DNAH14: variants seen among roughly 807,000 people sequenced by gnomAD.
The protein encoded by DNAH14 is dynein axonemal heavy chain 14, also known as axonemal beta dynein heavy chain 14.
DNAH14 carries 478 observed loss-of-function variants against 520.9 expected under a neutral mutation model. The observed-to-expected ratio is 0.92, with a 90% CI of 0.85 to 0.99. The LOEUF (loss-of-function observed/expected upper bound fraction) is 0.99. Among genes scored for constraint, DNAH14 ranks in the 50% least tolerant of loss-of-function variants. DNAH14 has a pLI of 0.00. For missense variants in DNAH14, 4,831 were observed against 5,234.5 expected, an observed-to-expected ratio of 0.92 and a Z score of 2.38; for synonymous variants, 1,581 against 1,757.2, an observed-to-expected ratio of 0.90 and a Z score of 2.51.
chr1:225,109,624 C>T (rs2076337347), intron 23 of DNAH14, among the ~76,000 whole-genome samples: 1 of 151,814 alleles, frequency 6.6e-6, no homozygotes, highest in African/African-American at 2.4e-5. Flanking sequence ...TAGGTTTTCC[C>T]CTATATAAGA....
Position 225,085,744 on chromosome 1 carries a change from C to A in DNAH14, c.3528C>A (p.Val1176=). The A allele has an allele frequency of 6.4e-7, 1 of 1,551,184 alleles. No homozygotes were observed. Among genetic ancestry groups the A allele is most frequent in the South Asian group, 1.2e-5 (1 of 83,806 alleles). The change falls in exon 21 of 86, where the codon GTC becomes GTA. Residue 1176 remains valine, a synonymous_variant. Transcript: ENST00000682510. ...DISAQLEESQ[V]ILATIKGSPH... ...CAGCTCAGTTAGAAGAGTCTCAAGTCATACTTGCAACAATTAAAGGATCTC... is the reference window on the plus strand; with the variant it reads ...CAGCTCAGTTAGAAGAGTCTCAAGTAATACTTGCAACAATTAAAGGATCTC...
chr1:225,338,173 C>A lies in DNAH14; in HGVS notation c.10424C>A (p.Ser3475Ter). The change falls in exon 68 of 86, where the codon TCA becomes TAA. Residue 3475 changes from serine to a stop codon, truncating the protein, a stop_gained. Transcript: ENST00000682510. LOFTEE classifies it high-confidence loss of function. The part of the protein sequence containing the change: ...RVGDAEFEYN[S>*]NFRLYLSTEI... The stretch of plus-strand genomic sequence containing the variant: ...GGTGATGCTGAGTTCGAATACAATT[C>A]AAATTTTAGGTAATGTGCCACAGCT... 1 of 1,551,742 alleles carries A rather than the reference C, an allele frequency of 6.4e-7. No individual in the cohort carries two copies. The highest frequency in any genetic ancestry group is 8.7e-7 in the Non-Finnish European group (1 of 1,146,968).
chr1:225,173,503 G>T (rs1469775855), intron 36 of DNAH14, among the ~76,000 whole-genome samples: 1 of 152,170 alleles, frequency 6.6e-6, no homozygotes, highest in Non-Finnish European at 1.5e-5. Flanking sequence ...AAAGACACAT[G>T]AGAAAATGCT....
At chr1:225,066,168 A>G (rs1558844915) in intron 17 of DNAH14, among the ~76,000 whole-genome samples, 2 of 152,004 alleles carry the variant, frequency 1.3e-5, no homozygotes, top group African/African-American at 4.8e-5. Context: ...CTTTTGAGAC[A>G]TATCTACTTT....
chr1:225,170,948 A>T (rs1015259038), intron 36 of DNAH14, among the ~76,000 whole-genome samples: 9 of 152,202 alleles, frequency 5.9e-5, no homozygotes, highest in Non-Finnish European at 1.0e-4. Flanking sequence ...TCAAACTAGA[A>T]CTCAGGATTA....
rs548403828 is a variant in DNAH14 at position 225,293,384 on chromosome 1, C to A, written c.8469+3302C>A. On this transcript the variant is annotated intron_variant, in intron 55 of 85. Coordinates refer to ENST00000682510, the MANE Select transcript of DNAH14 (RefSeq NM_001367479.1). Reference sequence around the variant, plus strand: ...AGATACATGCATGTGTATGTCACTGCAGCACTATTCACAATAGCAAAGACA... The same window carrying A: ...AGATACATGCATGTGTATGTCACTGAAGCACTATTCACAATAGCAAAGACA... Among the ~76,000 whole-genome samples the A allele has an allele frequency of 7.1e-4, 108 of 152,206 alleles. 1 individual carries two copies. The highest frequency in any genetic ancestry group is 2.5e-3 in the African/African-American group (104 of 41,538).
intron 11 of DNAH14, among the ~76,000 whole-genome samples, chr1:225,031,934 T>C (rs2066560596): frequency 6.6e-6 from 1 of 152,066 alleles, no homozygotes; most frequent in Non-Finnish European, 1.5e-5. Context: ...TTTCTTTCAG[T>C]TGCAGTAATG....
chr1:225,376,069 C>T (rs1042738505), intron 78 of DNAH14, among the ~76,000 whole-genome samples: 6 of 151,864 alleles, frequency 4.0e-5, no homozygotes, highest in African/African-American at 1.2e-4. Flanking sequence ...TCCTGGGCAT[C>T]AGAGCAAGAT....
chr1:225,296,065 G>A (rs1229604613), intron 55 of DNAH14, among the ~76,000 whole-genome samples: 1 of 152,024 alleles, frequency 6.6e-6, no homozygotes, highest in Non-Finnish European at 1.5e-5. Context: ...ACTCCTGCTT[G>A]TGTTTGGTTT....
intron 27 of DNAH14, among the ~76,000 whole-genome samples, chr1:225,137,663 C>CT (rs2079072583): frequency 6.6e-6 from 1 of 152,094 alleles, no homozygotes; most frequent in Non-Finnish European, 1.5e-5. Flanking sequence ...CTCTGTTTGT[C>CT]TTTCTTTTAA....
At chr1:224,940,857 T>G (rs1441939686) in intron 1 of DNAH14, among the ~76,000 whole-genome samples, 1 of 152,236 alleles carries the variant, frequency 6.6e-6, no homozygotes, top group Non-Finnish European at 1.5e-5. Context: ...CTCATCCTTT[T>G]TTATGGCTGC....
At chr1:225,113,046 G>C (rs1214100429) in intron 23 of DNAH14, among the ~76,000 whole-genome samples, 1 of 151,996 alleles carries the variant, frequency 6.6e-6, no homozygotes, top group Non-Finnish European at 1.5e-5. Context: ...AGGCTTTGTT[G>C]GTGTTGGCAT....
chr1:225,051,394 C>G, intron 16 of DNAH14, 57 bp from the exon 17 acceptor site: 1 of 1,260,010 alleles, frequency 7.9e-7, no homozygotes. Context: ...CATGCCAAAC[C>G]ATTTTTCACT....
In DNAH14 at chr1:225,192,875, T is replaced by C. The variant is rs184059928; in HGVS notation, c.5850T>C (p.Asp1950=). Residue 1950 remains aspartate (D), a synonymous_variant, in exon 38 of 86, where the codon GAT becomes GAC. Coordinates refer to ENST00000682510, the MANE Select transcript of DNAH14 (RefSeq NM_001367479.1). ...CAAAGAACACAAAGAAAGACATTGA[T>C]CTCAGACTAAAGTCAAGAATCTCAG... ...NTPKNTKKDI[D]LRLKSRISDL... 4.5e-6 allele frequency: 7 copies of C among 1,549,622 alleles called. 1 individual carries two copies. In the African/African-American group the frequency reaches 8.2e-5, roughly 18 times the overall value.
chr1:225,215,408 A>G (rs1400726252), intron 41 of DNAH14, among the ~76,000 whole-genome samples: 1 of 152,192 alleles, frequency 6.6e-6, no homozygotes, highest in Non-Finnish European at 1.5e-5. Flanking sequence ...AGAGTTCTGT[A>G]GATTTCTATG....
intron 44 of DNAH14, among the ~76,000 whole-genome samples, chr1:225,254,378 A>G (rs28502629): frequency 0.11 from 16,874 of 152,176 alleles, 1,443 homozygotes; most frequent in East Asian, 0.24. Flanking sequence ...ACATTGACTT[A>G]AAAGTCAGAT....
intron 41 of DNAH14, among the ~76,000 whole-genome samples, chr1:225,227,888 C>T (rs1160760501): frequency 6.6e-6 from 1 of 152,140 alleles, no homozygotes; most frequent in Non-Finnish European, 1.5e-5. Context: ...CTTATGGGAG[C>T]TAATATTTCC....
At chr1:225,298,427 G>C (rs2094062261) in intron 55 of DNAH14, among the ~76,000 whole-genome samples, 1 of 152,242 alleles carries the variant, frequency 6.6e-6, no homozygotes, top group East Asian at 1.9e-4. Flanking sequence ...TCAAGGGTAG[G>C]GTCACCCTAA....
intron 34 of DNAH14, among the ~76,000 whole-genome samples, chr1:225,157,599 C>T (rs1010447782): frequency 6.6e-6 from 1 of 151,942 alleles, no homozygotes; most frequent in Admixed American, 6.6e-5. Context: ...ATTTTCTCTC[C>T]ATATCTATAT....
Sources: gnomAD v4.1 joint callset for allele counts (sites outside exome capture counted in the v4.1 genomes callset) on GRCh38, gnomAD v4.1.1 for gene constraint, MANE v1.5 for transcripts, NCBI Gene and HGNC (gene_info 2026-07-23, HGNC 2026-07-21) for gene names.